The following PALM2AKAP2 variants were observed in gnomAD, a reference collection of about 807,000 sequenced individuals.
The protein encoded by PALM2AKAP2 is PALM2 and AKAP2 fusion, also known as PALM2-AKAP2 fusion protein.
In PALM2AKAP2, 37 loss-of-function variants were observed where a neutral mutation model predicts 71.5. That is an observed-to-expected ratio of 0.52 (90% CI 0.40 to 0.68). The LOEUF is 0.68. PALM2AKAP2 is among the 30% of genes least tolerant of loss of function. The pLI is 0.00. For missense variants in PALM2AKAP2, 1,224 were observed against 1,191.8 expected, an observed-to-expected ratio of 1.03 and a Z score of -0.40; for synonymous variants, 468 against 478.8, an observed-to-expected ratio of 0.98 and a Z score of 0.29.
At chr9:109,985,841 G>A (rs1211970730) in intron 6 of PALM2AKAP2, among the ~76,000 whole-genome samples, 1 of 151,912 alleles carries the variant, frequency 6.6e-6, no homozygotes, top group African/African-American at 2.4e-5. Flanking sequence ...GTGAAGATGG[G>A]GTTTCACCAT....
At chr9:109,807,633 A>G (rs1485127981) in intron 1 of PALM2AKAP2, among the ~76,000 whole-genome samples, 3 of 151,110 alleles carry the variant, frequency 2.0e-5, no homozygotes, top group East Asian at 3.9e-4. Flanking sequence ...GCTTTAATCT[A>G]TTGGGAAAAG....
intron 1 of PALM2AKAP2, among the ~76,000 whole-genome samples, chr9:110,060,351 C>T (rs1230563180): frequency 1.3e-5 from 2 of 152,016 alleles, no homozygotes; most frequent in Admixed American, 6.5e-5. Context: ...GATCTGCCCA[C>T]CTTGGCCTCC....
chr9:109,950,808 C>T (rs1401941790), intron 6 of PALM2AKAP2, among the ~76,000 whole-genome samples: 1 of 152,184 alleles, frequency 6.6e-6, no homozygotes, highest in African/African-American at 2.4e-5. Context: ...AATGAAAGAA[C>T]TATGCAATTG....
At chr9:109,782,844 A>G (rs924598274) in intron 1 of PALM2AKAP2, among the ~76,000 whole-genome samples, 1 of 151,742 alleles carries the variant, frequency 6.6e-6, no homozygotes, top group Non-Finnish European at 1.5e-5. Context: ...TTATGGCCAC[A>G]TCGGTAAATG....
At chr9:109,840,368 A>C (rs1254897939) in intron 1 of PALM2AKAP2, among the ~76,000 whole-genome samples, 4 of 152,264 alleles carry the variant, frequency 2.6e-5, no homozygotes, top group African/African-American at 9.6e-5. Flanking sequence ...AATTAATTCA[A>C]GATGGATTAA....
chr9:109,776,474 TG>T (rs1217830071), upstream of PALM2AKAP2, among the ~76,000 whole-genome samples: 1 of 152,178 alleles, frequency 6.6e-6, no homozygotes, highest in East Asian at 1.9e-4. Context: ...GCTTGGGCAA[TG>T]GGTACAACCA....
At chr9:109,896,108 C>G (rs1039052220) in intron 3 of PALM2AKAP2, among the ~76,000 whole-genome samples, 2 of 152,122 alleles carry the variant, frequency 1.3e-5, no homozygotes, top group African/African-American at 2.4e-5. Flanking sequence ...CTGCTCGAAC[C>G]TGGGAGGCGG....
chr9:110,056,457 T>G (rs1237106664), intron 1 of PALM2AKAP2, among the ~76,000 whole-genome samples: 1 of 152,222 alleles, frequency 6.6e-6, no homozygotes, highest in East Asian at 1.9e-4. Context: ...TTCCAGAAAA[T>G]TCAAGTACTT....
chr9:109,721,932 T>C (rs1056341015), intron 1 of PALM2AKAP2, among the ~76,000 whole-genome samples: 3 of 152,250 alleles, frequency 2.0e-5, no homozygotes, highest in Admixed American at 6.5e-5. Flanking sequence ...TATATGTACA[T>C]GCATGCTTTA....
intron 1 of PALM2AKAP2, among the ~76,000 whole-genome samples, chr9:109,708,200 T>G (rs900458039): frequency 2.0e-5 from 3 of 152,190 alleles, no homozygotes; most frequent in African/African-American, 4.8e-5. Context: ...AGGAAGGTAT[T>G]TCCTGATCAC....
intron 3 of PALM2AKAP2, among the ~76,000 whole-genome samples, chr9:109,902,900 G>C (rs913816972): frequency 3.9e-5 from 6 of 152,138 alleles, no homozygotes; most frequent in Admixed American, 1.3e-4. Flanking sequence ...CATAAGTGCC[G>C]GTCCCTACTC....
At chr9:109,923,493 T>C (rs540098621) in intron 3 of PALM2AKAP2, among the ~76,000 whole-genome samples, 26 of 152,330 alleles carry the variant, frequency 1.7e-4, no homozygotes, top group African/African-American at 5.3e-4. Context: ...ACATATTGCA[T>C]AGTGGTGGCT....
At chr9:109,922,359 C>A (rs1286915067) in intron 3 of PALM2AKAP2, among the ~76,000 whole-genome samples, 1 of 127,500 alleles carries the variant, frequency 7.8e-6, no homozygotes, top group Non-Finnish European at 1.6e-5. Context: ...GAGGTAGAGG[C>A]TGCAGTGAGC....
chr9:109,819,214 A>G lies in PALM2AKAP2; in HGVS notation c.45+38681A>G, dbSNP rs186041054. ...ACATTGGGTTGTAATATTCTATCCA[A>G]CATAGTTTAATTCTGAGTTATTCAA... On this transcript the variant is annotated intron_variant, in intron 1 of 9. Transcript: ENST00000302798. Among the ~76,000 whole-genome samples the G allele has an allele frequency of 1.2e-3, 178 of 152,348 alleles. 1 individual carries two copies. The highest frequency in any genetic ancestry group is 1.9e-3 in the Non-Finnish European group (131 of 68,032).
chr9:109,662,388 T>C (rs1167689440), intron 1 of PALM2AKAP2, among the ~76,000 whole-genome samples: 1 of 152,250 alleles, frequency 6.6e-6, no homozygotes, highest in Non-Finnish European at 1.5e-5. Context: ...CGCTGTTGAA[T>C]TTTGTCAAAG....
rs76461023 is a variant in PALM2AKAP2 at position 109,968,315 on chromosome 9, C to T, written c.496+36287C>T. ...AGGCCTGGATCTGCTGGGAAACCTC[C>T]TTCTTCCACTAAATGGAAACTGGAA... On this transcript the variant is annotated intron_variant, in intron 6 of 9. Transcript: ENST00000302798. 1.1e-3 allele frequency among the ~76,000 whole-genome samples: 163 copies of T among 152,214 alleles called. 2 individuals carry two copies. In the East Asian group the frequency reaches 0.025, roughly 24 times the overall value.
At chr9:109,812,644 A>G (rs1001071527) in intron 1 of PALM2AKAP2, among the ~76,000 whole-genome samples, 1 of 152,188 alleles carries the variant, frequency 6.6e-6, no homozygotes, top group African/African-American at 2.4e-5. Context: ...CCCTCACCTC[A>G]TTGTCTAGAC....
At chr9:109,888,479 C>A (rs1379618441) in intron 3 of PALM2AKAP2, among the ~76,000 whole-genome samples, 1 of 152,028 alleles carries the variant, frequency 6.6e-6, no homozygotes, top group Admixed American at 6.6e-5. Flanking sequence ...GAGGCTGAGA[C>A]AGATGGATCA....
intron 1 of PALM2AKAP2, among the ~76,000 whole-genome samples, chr9:110,074,983 A>G (rs1834288078): frequency 6.6e-6 from 1 of 152,140 alleles, no homozygotes; most frequent in South Asian, 2.1e-4. Context: ...AGCCTGAGCG[A>G]CAGAGTGAGA....
Sources: allele counts gnomAD v4.1 joint callset (sites outside exome capture counted in the v4.1 genomes callset), GRCh38; gene constraint gnomAD v4.1.1; transcripts MANE v1.5; gene names NCBI Gene and HGNC (gene_info 2026-07-23, HGNC 2026-07-21).